Variants in ERI3 observed in about 807,000 individuals in gnomAD.
The protein encoded by ERI3 is ERI1 exoribonuclease family member 3.
ERI3 carries 18 observed loss-of-function variants against 44.4 expected under a neutral mutation model. That is an observed-to-expected ratio of 0.41 (90% CI 0.28 to 0.60). The LOEUF (loss-of-function observed/expected upper bound fraction) is 0.60. Among genes scored for constraint, ERI3 ranks in the 20% least tolerant of loss-of-function variants. ERI3 has a pLI of 0.36. For synonymous variants in ERI3, 183 were observed against 164.8 expected, an observed-to-expected ratio of 1.11 and a Z score of -0.84; for missense variants, 294 against 435.5, an observed-to-expected ratio of 0.68 and a Z score of 2.89.
At chr1:44,290,249 C>G (rs1481299961) in intron 6 of ERI3, among the ~76,000 whole-genome samples, 2 of 152,250 alleles carry the variant, frequency 1.3e-5, no homozygotes, top group African/African-American at 4.8e-5. Flanking sequence ...ATGTGATATG[C>G]AGAAATGGGG....
chr1:44,242,486 A>T (rs1244582630), intron 8 of ERI3, among the ~76,000 whole-genome samples: 1 of 152,188 alleles, frequency 6.6e-6, no homozygotes, highest in Non-Finnish European at 1.5e-5. Context: ...CCTTGCCTTG[A>T]GTGGGGGTCC....
At chr1:44,229,579 T>C (rs1190461701) in intron 8 of ERI3, among the ~76,000 whole-genome samples, 3 of 152,022 alleles carry the variant, frequency 2.0e-5, no homozygotes, top group Non-Finnish European at 4.4e-5. Flanking sequence ...CCACACAGGG[T>C]GCGGGCAGGA....
At chr1:44,295,717 A>G (rs1207899451) in intron 6 of ERI3, among the ~76,000 whole-genome samples, 1 of 152,244 alleles carries the variant, frequency 6.6e-6, no homozygotes, top group African/African-American at 2.4e-5. Flanking sequence ...ACGAGCAATC[A>G]TCTAAATCAA....
intron 6 of ERI3, among the ~76,000 whole-genome samples, chr1:44,295,355 T>C (rs1645589106): frequency 6.6e-6 from 1 of 152,222 alleles, no homozygotes; most frequent in African/African-American, 2.4e-5. Flanking sequence ...CTCACAGCAT[T>C]TGTGTTGTGC....
intron 6 of ERI3, among the ~76,000 whole-genome samples, chr1:44,303,467 C>T (rs1645768758): frequency 6.6e-6 from 1 of 152,230 alleles, no homozygotes; most frequent in South Asian, 2.1e-4. Context: ...TATTGAACAA[C>T]TACTATGTGT....
At position 44,295,061 on chromosome 1, in the gene ERI3, A is replaced by T. The variant is rs562715377; in HGVS notation, c.759-10154T>A. On this transcript the variant is annotated intron_variant, in intron 6 of 8. Coordinates refer to ENST00000372257, the MANE Select transcript of ERI3 (RefSeq NM_024066.3). ...AGCTCCCCTGACACCTTCAAGAGGTATAAGCACTTGTCCTATACAGAGTAA... is the reference window on the plus strand; with the variant it reads ...AGCTCCCCTGACACCTTCAAGAGGTTTAAGCACTTGTCCTATACAGAGTAA... Among the ~76,000 whole-genome samples the T allele has an allele frequency of 2.0e-3, 309 of 152,352 alleles. 1 individual carries two copies. Among genetic ancestry groups the T allele is most frequent in the Non-Finnish European group, 3.3e-3 (225 of 68,038 alleles).
At chr1:44,314,156 G>GT (rs954805245) in intron 4 of ERI3, among the ~76,000 whole-genome samples, 71 of 151,678 alleles carry the variant, frequency 4.7e-4, no homozygotes, top group Non-Finnish European at 9.1e-4. Context: ...AGTGTGTTGG[G>GT]GGGGGGGAGA....
intron 6 of ERI3, among the ~76,000 whole-genome samples, chr1:44,289,672 G>A (rs1042083536): frequency 6.6e-6 from 1 of 152,214 alleles, no homozygotes; most frequent in African/African-American, 2.4e-5. Flanking sequence ...ACCTGCAACT[G>A]AGCCATACTG....
In ERI3 at chr1:44,265,010, C is replaced by T. The variant is rs115251434; in HGVS notation, c.832-16972G>A. ...AGGGGCAGCCTCTTCTCCTCACATG[C>T]CCAGGTATCCAGAGCTATCATAAAG... On this transcript the variant is annotated intron_variant, in intron 7 of 8. Coordinates refer to ENST00000372257, the MANE Select transcript of ERI3 (RefSeq NM_024066.3). Among the ~76,000 whole-genome samples the T allele has an allele frequency of 3.2e-3, 485 of 152,324 alleles. 5 individuals are homozygous for T. Among genetic ancestry groups the T allele is most frequent in the African/African-American group, 0.011 (465 of 41,572 alleles).
intron 3 of ERI3, among the ~76,000 whole-genome samples, chr1:44,322,084 GGTTT>G (rs1429232490): frequency 6.6e-6 from 1 of 151,946 alleles, no homozygotes; most frequent in Non-Finnish European, 1.5e-5. Context: ...ACAAGCACAT[GGTTT>G]GTTTTAGATA....
At chr1:44,348,543 C>T (rs1412351927) in intron 2 of ERI3, among the ~76,000 whole-genome samples, 1 of 152,218 alleles carries the variant, frequency 6.6e-6, no homozygotes, top group African/African-American at 2.4e-5. Context: ...CACATCAAAG[C>T]AATCCCTGGT....
chr1:44,270,856 G>C (rs1167640935), intron 7 of ERI3, among the ~76,000 whole-genome samples: 1 of 152,032 alleles, frequency 6.6e-6, no homozygotes, highest in East Asian at 1.9e-4. Flanking sequence ...CACCAGGGAT[G>C]CAGAGCAAGG....
intron 8 of ERI3, among the ~76,000 whole-genome samples, chr1:44,245,811 A>G (rs1016472022): frequency 2.0e-5 from 3 of 152,150 alleles, no homozygotes; most frequent in African/African-American, 7.2e-5. Context: ...GCACCCAGAT[A>G]AAGTATATGT....
chr1:44,259,920 TAGACAGACAGAC>T (rs200389542), intron 7 of ERI3, among the ~76,000 whole-genome samples: 1 of 129,636 alleles, frequency 7.7e-6, no homozygotes, highest in Non-Finnish European at 1.7e-5. Flanking sequence ...GATAGATAGA[TAGACAGACAGAC>T]AGACAGACAG....
chr1:44,347,514 A>G (rs1646808346), intron 2 of ERI3, among the ~76,000 whole-genome samples: 1 of 152,200 alleles, frequency 6.6e-6, no homozygotes, highest in African/African-American at 2.4e-5. Flanking sequence ...TTTGGAATGC[A>G]CTTCCATTTT....
intron 6 of ERI3, among the ~76,000 whole-genome samples, chr1:44,289,066 T>A (rs1298485521): frequency 6.6e-6 from 1 of 152,242 alleles, no homozygotes. Flanking sequence ...TTATTATTGT[T>A]GCCCAATGAA....
chr1:44,280,326 T>C (rs1026127082), intron 7 of ERI3, among the ~76,000 whole-genome samples: 3 of 152,248 alleles, frequency 2.0e-5, no homozygotes, highest in African/African-American at 4.8e-5. Flanking sequence ...TGTTGCATTA[T>C]AGCAGAACTG....
intron 6 of ERI3, among the ~76,000 whole-genome samples, chr1:44,296,278 G>C (rs529996526): frequency 6.6e-6 from 1 of 152,160 alleles, no homozygotes; most frequent in Non-Finnish European, 1.5e-5. Context: ...ATTTAACTGG[G>C]TGACCCCTGA....
At chr1:44,355,267 C>A (rs1646979973), upstream of ERI3, 1 of 1,150,220 alleles carries the variant, frequency 8.7e-7, no homozygotes, top group Non-Finnish European at 1.1e-6. Context: ...CACCTCCGCG[C>A]ACTCTGACCC....
Sources: gnomAD v4.1 joint callset for allele counts (sites outside exome capture counted in the v4.1 genomes callset) on GRCh38, gnomAD v4.1.1 for gene constraint, MANE v1.5 for transcripts, NCBI Gene and HGNC (gene_info 2026-07-23, HGNC 2026-07-21) for gene names.